The following DNAH11 variants were observed in gnomAD, a reference collection of about 807,000 sequenced individuals.
DNAH11 encodes the protein axonemal beta dynein heavy chain 11.
In DNAH11, 442 loss-of-function variants were observed where a neutral mutation model predicts 526.0. That is an observed-to-expected ratio of 0.84 (90% CI 0.78 to 0.91). DNAH11 has a LOEUF of 0.91. Among genes scored for constraint, DNAH11 ranks in the 40% least tolerant of loss-of-function variants. DNAH11 has a pLI of 0.00. For synonymous variants in DNAH11, 2,461 were observed against 1,935.9 expected, an observed-to-expected ratio of 1.27 and a Z score of -7.12; for missense variants, 6,989 against 5,448.7, an observed-to-expected ratio of 1.28 and a Z score of -8.90.
intron 25 of DNAH11, among the ~76,000 whole-genome samples, chr7:21,635,281 C>T (rs55896313): frequency 1.3e-5 from 2 of 152,200 alleles, no homozygotes; most frequent in South Asian, 4.1e-4. Flanking sequence ...CTCAGCCTCC[C>T]AGGTAGCTGG....
intron 65 of DNAH11, among the ~76,000 whole-genome samples, chr7:21,841,808 G>C (rs1174017427): frequency 1.3e-5 from 2 of 152,130 alleles, no homozygotes; most frequent in Non-Finnish European, 2.9e-5. Flanking sequence ...ACAAATGCAC[G>C]ACACTGAACA....
At chr7:21,681,255 T>G (rs1241017993) in intron 30 of DNAH11, among the ~76,000 whole-genome samples, 1 of 151,940 alleles carries the variant, frequency 6.6e-6, no homozygotes, top group Non-Finnish European at 1.5e-5. Flanking sequence ...GGTGAAATCA[T>G]GTCCCTACGA....
chr7:21,684,264 T>C (rs1783276186), intron 32 of DNAH11, among the ~76,000 whole-genome samples: 1 of 152,150 alleles, frequency 6.6e-6, no homozygotes, highest in Admixed American at 6.5e-5. Context: ...TAACTAGGAA[T>C]TGCCTGTGTT....
chr7:21,704,651 A>G, intron 38 of DNAH11, 23 bp downstream of exon 38: 3 of 1,581,286 alleles, frequency 1.9e-6, no homozygotes, highest in African/African-American at 1.4e-5. Context: ...TTTGCTTTTC[A>G]TGGCAGCTGT....
intron 66 of DNAH11, among the ~76,000 whole-genome samples, chr7:21,844,221 T>C (rs956904022): frequency 6.6e-6 from 1 of 152,166 alleles, no homozygotes; most frequent in Non-Finnish European, 1.5e-5. Flanking sequence ...TGAGGCCAGT[T>C]TGAGACCAGC....
At chr7:21,889,673 C>T (rs780223084) in intron 76 of DNAH11, among the ~76,000 whole-genome samples, 20 of 152,152 alleles carry the variant, frequency 1.3e-4, no homozygotes, top group Non-Finnish European at 2.6e-4. Context: ...CTTTCATGTT[C>T]TCATTGGCCA....
At chr7:21,569,223 C>T (rs1381319802) in intron 6 of DNAH11, among the ~76,000 whole-genome samples, 1 of 152,124 alleles carries the variant, frequency 6.6e-6, no homozygotes, top group African/African-American at 2.4e-5. Flanking sequence ...TTACATTATC[C>T]ATTGACATCT....
Position 21,852,442 on chromosome 7 carries a change from C to G in DNAH11, c.10897-25C>G, listed in dbSNP as rs1429248975. ...AAAAAAAGTACTTAACCACCATTTC[C>G]CACACTTTTCTTGGTTTTTATTAGT... On this transcript the variant is annotated intron_variant, in intron 66 of 81. Transcript: ENST00000409508. 4 of 1,585,788 alleles carry G rather than the reference C, an allele frequency of 2.5e-6. No homozygotes were observed. The South Asian group carries it at 3.5e-5, about 14-fold the overall frequency.
At chr7:21,807,788 G>A (rs1789334782) in intron 62 of DNAH11, 95 bp from the exon 63 acceptor site, 2 of 1,187,330 alleles carry the variant, frequency 1.7e-6, no homozygotes, top group African/African-American at 1.5e-5. Context: ...CTGTGTGGAA[G>A]GACGTAAACC....
chr7:21,825,689 A>C (rs1790254508), intron 65 of DNAH11, among the ~76,000 whole-genome samples: 1 of 151,782 alleles, frequency 6.6e-6, no homozygotes, highest in African/African-American at 2.4e-5. Flanking sequence ...TAGTTGTGTT[A>C]CAAATGCTTA....
At chr7:21,552,507 C>T (rs977916453) in intron 2 of DNAH11, among the ~76,000 whole-genome samples, 3 of 152,136 alleles carry the variant, frequency 2.0e-5, no homozygotes, top group Admixed American at 1.3e-4. Context: ...TTCTTAGAGA[C>T]TTGCAATCTC....
intron 65 of DNAH11, among the ~76,000 whole-genome samples, chr7:21,821,908 C>T (rs1175709262): frequency 6.6e-6 from 1 of 152,062 alleles, no homozygotes; most frequent in Non-Finnish European, 1.5e-5. Flanking sequence ...CTCCTCTTTG[C>T]CTCCATGAGA....
At chr7:21,749,843 A>G (rs748160612) in intron 53 of DNAH11, 42 bp downstream of exon 53, 1 of 1,609,790 alleles carries the variant, frequency 6.2e-7, no homozygotes, top group Non-Finnish European at 8.5e-7. Flanking sequence ...TTCCCCAATG[A>G]CAAATTATCT....
intron 65 of DNAH11, among the ~76,000 whole-genome samples, chr7:21,834,087 G>A (rs1434377588): frequency 6.6e-6 from 1 of 152,140 alleles, no homozygotes; most frequent in Non-Finnish European, 1.5e-5. Flanking sequence ...CTCCAGGATA[G>A]GACATATGTT....
chr7:21,861,966 C>T lies in DNAH11; in HGVS notation c.11316C>T (p.Thr3772=), dbSNP rs2128030845. ...ESITHAVFLY[T]SQALFEKDKL... ...TCACCCATGCTGTCTTCCTCTACACCAGCCAGGCGCTGTTTGAGAAGGACA... is the reference window on the plus strand; with the variant it reads ...TCACCCATGCTGTCTTCCTCTACACTAGCCAGGCGCTGTTTGAGAAGGACA... The change falls in exon 69 of 82, where the codon ACC becomes ACT. Residue 3772 remains threonine, a synonymous_variant. Transcript: ENST00000409508. 6.2e-7 allele frequency: 1 copy of T among 1,613,738 alleles called. No individual in the cohort carries two copies. Among genetic ancestry groups the T allele is most frequent in the Non-Finnish European group, 8.5e-7 (1 of 1,179,804 alleles).
At chr7:21,616,921 T>C (rs936498584) in intron 22 of DNAH11, among the ~76,000 whole-genome samples, 1 of 152,152 alleles carries the variant, frequency 6.6e-6, no homozygotes, top group Non-Finnish European at 1.5e-5. Context: ...ATTTGCTTTT[T>C]TTCCACCCCA....
At position 21,717,833 on chromosome 7, in the gene DNAH11, A is replaced by C. The variant is rs1784722815; in HGVS notation, c.7042A>C (p.Ile2348Leu). The C allele has an allele frequency of 1.2e-6, 2 of 1,613,740 alleles. No individual in the cohort carries two copies. The highest frequency in any genetic ancestry group is 2.7e-5 in the African/African-American group (2 of 74,916). Residue 2348 changes from isoleucine (I) to leucine (L), a missense_variant, in exon 43 of 82, where the codon ATT becomes CTT. Physicochemically the swap from Ile to Leu is conservative, Grantham distance 5. Coordinates refer to ENST00000409508, the MANE Select transcript of DNAH11 (RefSeq NM_001277115.2). ...TCAATCAGAAAAGGCCAATTTGACT[A>C]TTCTTTTTGATAAATATGTCCCTGC... The part of the protein sequence containing the change: ...RHQSEKANLT[I>L]LFDKYVPACL...
intron 61 of DNAH11, among the ~76,000 whole-genome samples, chr7:21,790,676 G>C (rs1788442964): frequency 6.6e-6 from 1 of 152,116 alleles, no homozygotes; most frequent in Admixed American, 6.5e-5. Flanking sequence ...GGAACCACCA[G>C]GATAACTAGG....
rs766200258 is a variant in DNAH11 at position 21,584,021 on chromosome 7, G to A, written c.1710+2000G>A. On this transcript the variant is annotated intron_variant, in intron 9 of 81. Transcript: ENST00000409508. ...CAACCATTGTGGAAGACAGTGCGGC[G>A]ATTCCTCAAGGATCTAGAACCAGAA... 8.5e-5 allele frequency among the ~76,000 whole-genome samples: 13 copies of A among 152,274 alleles called. No homozygotes were observed. The South Asian group carries it at 2.5e-3, about 29-fold the overall frequency.
Sources: allele counts gnomAD v4.1 joint callset (sites outside exome capture counted in the v4.1 genomes callset), GRCh38; gene constraint gnomAD v4.1.1; transcripts MANE v1.5; gene names NCBI Gene and HGNC (gene_info 2026-07-23, HGNC 2026-07-21).